The following USP35 variants were observed in gnomAD, a reference collection of about 807,000 sequenced individuals.
USP35 encodes the protein ubiquitin specific peptidase 35, also known as ubiquitin carboxyl-terminal hydrolase 35.
In USP35, 69 loss-of-function variants were observed where a neutral mutation model predicts 83.8. That is an observed-to-expected ratio of 0.82 (90% CI 0.68 to 1.01). The LOEUF (loss-of-function observed/expected upper bound fraction) is 1.01, where lower values mean the gene tolerates loss of function less well. USP35 is among the 50% of genes least tolerant of loss of function. The pLI, the probability that USP35 is intolerant of heterozygous loss-of-function variation, is 0.00. For missense variants in USP35, 1,503 were observed against 1,362.5 expected (o/e 1.10, Z -1.62); for synonymous variants, 714 against 589.5 (o/e 1.21, Z -3.06).
At chr11:78,192,181 C>T (rs1032136241) in intron 1 of USP35, among the ~76,000 whole-genome samples, 5 of 152,216 alleles carry the variant, frequency 3.3e-5, no homozygotes, top group African/African-American at 1.2e-4. Flanking sequence ...GACTTTGAAG[C>T]AGAAAACCTG....
At chr11:78,206,868 C>T (rs934415318) in intron 7 of USP35, among the ~76,000 whole-genome samples, 4 of 152,138 alleles carry the variant, frequency 2.6e-5, no homozygotes, top group African/African-American at 7.2e-5. Flanking sequence ...AGAGAATGTT[C>T]GTGTAGGGAG....
chr11:78,231,267 C>G, the USP35 span, among the ~76,000 whole-genome samples: 1 of 152,152 alleles, frequency 6.6e-6, no homozygotes, highest in African/African-American at 2.4e-5. Flanking sequence ...TGGCCAATGG[C>G]TCTTCCAGAG....
At chr11:78,232,082 A>G in the USP35 span, 8 of 152,232 alleles carry the variant, frequency 5.3e-5, no homozygotes, top group Non-Finnish European at 8.8e-5. Context: ...CTGGTTACAG[A>G]GCAAAGCTGT....
chr11:78,222,757 A>AT, the USP35 span, among the ~76,000 whole-genome samples: 4 of 151,864 alleles, frequency 2.6e-5, no homozygotes, highest in Non-Finnish European at 5.9e-5. Flanking sequence ...TAATTTTTAT[A>AT]TTTTTAGTAG....
the USP35 span, chr11:78,223,638 A>G: frequency 1.9e-6 from 3 of 1,612,176 alleles, no homozygotes; most frequent in African/African-American, 4.0e-5. Context: ...TGTCTTCAGA[A>G]TTGGTGCTGT....
At chr11:78,190,380 T>C (rs185946691) in intron 1 of USP35, among the ~76,000 whole-genome samples, 140 of 152,266 alleles carry the variant, frequency 9.2e-4, no homozygotes, top group Non-Finnish European at 1.8e-3. Context: ...ATTTTCAGGG[T>C]TTTTGATATG....
In USP35 at chr11:78,210,408, G is replaced by T. The variant is rs779897884; in HGVS notation, c.2553G>T (p.Val851=). Residue 851 remains valine, a synonymous_variant, in exon 10 of 11, where the codon GTG becomes GTT. Coordinates refer to ENST00000529308, the MANE Select transcript of USP35 (RefSeq NM_020798.4). ...AGGCCTATGACCTCTGCAGTGTGGT[G>T]GTGCACTCTGGAGTGTCTTCGGAGA... ...RGQAYDLCSV[V]VHSGVSSESG... 21 of 1,613,860 alleles carry T rather than the reference G, an allele frequency of 1.3e-5. No homozygotes were observed. The highest frequency in any genetic ancestry group is 1.8e-5 in the Non-Finnish European group (21 of 1,180,050).
the USP35 span, chr11:78,220,556 C>T: frequency 3.6e-6 from 3 of 822,734 alleles, no homozygotes; most frequent in Admixed American, 2.8e-5. Flanking sequence ...TACTCTGACA[C>T]ATGCACCATG....
intron 6 of USP35, 116 bp downstream of exon 6, chr11:78,200,924 G>C (rs113078414): frequency 5.0e-6 from 7 of 1,403,490 alleles, no homozygotes; most frequent in African/African-American, 4.3e-5. Context: ...GTGCCTGGCT[G>C]TCTCCCATCA....
Position 78,196,186 on chromosome 11 carries a change from C to G in USP35, c.-10-50C>G, listed in dbSNP as rs1023033680. The G allele has an allele frequency of 1.3e-6, 2 of 1,528,396 alleles. No individual in the cohort carries two copies. Among genetic ancestry groups the G allele is most frequent in the African/African-American group, 2.9e-5 (2 of 69,838 alleles). The allele number at this position is 1,528,396 out of a possible 1,614,324, so 94.7% of individuals were successfully genotyped here. On this transcript the variant is annotated intron_variant, in intron 1 of 10. Transcript: ENST00000529308. This position sits in a 1 kb window ranked among gnomAD's most constrained non-coding sequence, Gnocchi z 4.8. ...GCACTCGGGGACTGCACCGGGAACT[C>G]TTGAGCCCCGCGGTTGTCGGGCTGT...
In USP35 at chr11:78,196,705, T is replaced by C; in HGVS notation, c.460T>C (p.Cys154Arg). ...ACGGCTGCTGGCTCGCCACCCGCGC[T>C]GTGTGCCCGACGGACCCCACCGCCT... ...VARLLARHPR[C>R]VPDGPHRLLF... The change falls in exon 2 of 11, where the codon TGT becomes CGT. Residue 154 changes from cysteine to arginine, a missense_variant. Transcript: ENST00000529308. This position sits in a 1 kb window ranked among gnomAD's most constrained non-coding sequence, Gnocchi z 4.8. 6.6e-7 allele frequency: 1 copy of C among 1,524,586 alleles called. No individual in the cohort carries two copies. The highest frequency in any genetic ancestry group is 8.8e-7 in the Non-Finnish European group (1 of 1,142,300). 94.4% of individuals were successfully genotyped at this position (1,524,586 alleles called of 1,614,324 possible). A position where few individuals can be genotyped will look rare whatever the true frequency, so the allele number is the denominator to read the frequency against.
At chr11:78,212,958 TC>T (rs2134422541) in intron 10 of USP35, among the ~76,000 whole-genome samples, 1 of 152,234 alleles carries the variant, frequency 6.6e-6, no homozygotes, top group African/African-American at 2.4e-5. Flanking sequence ...CCTGTGTGAC[TC>T]CCTAGAGTCA....
At chr11:78,215,937 A>T (rs2134439475), downstream of USP35, 1 of 152,856 alleles carries the variant, frequency 6.5e-6, no homozygotes, top group Admixed American at 6.5e-5. Flanking sequence ...CCCATGCTCC[A>T]GTAACTTCAG....
the USP35 span, chr11:78,226,600 G>T: frequency 1.9e-6 from 3 of 1,603,124 alleles, no homozygotes; most frequent in Non-Finnish European, 2.6e-6. Flanking sequence ...GCCTGACTTG[G>T]CTTGGGGGGG....
chr11:78,196,649 G>A lies in USP35; in HGVS notation c.404G>A (p.Arg135His). 4 of 1,383,542 alleles carry A rather than the reference G, an allele frequency of 2.9e-6. No homozygotes were observed. The highest frequency in any genetic ancestry group is 3.7e-6 in the Non-Finnish European group (4 of 1,077,474). 85.7% of individuals were successfully genotyped at this position (1,383,542 alleles called of 1,614,324 possible). ...GAGGTGCTGCGCACCGTGTGCGAGC[G>A]CCCGGGCCCCGCGGCCTGCGCGCAG... ...RREVLRTVCE[R>H]PGPAACAQVA... Residue 135 changes from arginine to histidine, a missense_variant, in exon 2 of 11, where the codon CGC (arginine) becomes CAC (histidine). By Grantham distance (29) the Arg-to-His change is conservative. Transcript: ENST00000529308. The surrounding 1 kb of genome is among the most constrained non-coding windows in gnomAD (Gnocchi z 4.8).
chr11:78,220,373 G>A, the USP35 span: 4 of 1,612,776 alleles, frequency 2.5e-6, no homozygotes, highest in South Asian at 2.2e-5. Context: ...GATAATCAAC[G>A]CTGCCGGTGC....
chr11:78,207,828 T>C (rs1432324404), intron 8 of USP35, among the ~76,000 whole-genome samples: 1 of 152,212 alleles, frequency 6.6e-6, no homozygotes, highest in East Asian at 1.9e-4. Flanking sequence ...CCCTGTTCCG[T>C]GTTGTGCTGC....
At position 78,196,964 on chromosome 11, in the gene USP35, G is replaced by C; in HGVS notation, c.673+46G>C. On this transcript the variant is annotated intron_variant, in intron 2 of 10. Coordinates refer to ENST00000529308, the MANE Select transcript of USP35 (RefSeq NM_020798.4). This position sits in a 1 kb window ranked among gnomAD's most constrained non-coding sequence, Gnocchi z 4.8. ...GGAGCGCGGGCATGCGGAGGTCCTG[G>C]GTGGGCGCTTGGGTAGGTGGCTGTA... 2 of 1,427,712 alleles carry C rather than the reference G, an allele frequency of 1.4e-6. No individual in the cohort carries two copies. The highest frequency in any genetic ancestry group is 1.8e-6 in the Non-Finnish European group (2 of 1,095,718). 88.4% of individuals were successfully genotyped at this position (1,427,712 alleles called of 1,614,324 possible).
the USP35 span, among the ~76,000 whole-genome samples, chr11:78,232,501 T>A: frequency 6.6e-6 from 1 of 152,238 alleles, no homozygotes; most frequent in Non-Finnish European, 1.5e-5. Flanking sequence ...TTGTCTTGAC[T>A]CTGCCAGTTC....
Sources: allele counts gnomAD v4.1 joint callset (sites outside exome capture counted in the v4.1 genomes callset), GRCh38; gene constraint gnomAD v4.1.1; non-coding constraint Gnocchi (gnomAD v3.1); transcripts MANE v1.5; gene names NCBI Gene and HGNC (gene_info 2026-07-23, HGNC 2026-07-21).